Variants in WDFY3 observed in about 807,000 individuals in gnomAD.
WDFY3 encodes the protein WD repeat and FYVE domain containing 3.
A neutral mutation model predicts 409.6 loss-of-function variants in WDFY3; 66 were observed. That is an observed-to-expected ratio of 0.16 (90% CI 0.13 to 0.20). The LOEUF (loss-of-function observed/expected upper bound fraction) is 0.20, where lower values mean the gene tolerates loss of function less well. Among genes scored for constraint, WDFY3 ranks in the 10% least tolerant of loss-of-function variants. The probability of loss-of-function intolerance (pLI) is 1.00; values close to 1 mark genes in which losing one functional copy is unlikely to be tolerated. For missense variants in WDFY3, 3,031 were observed against 4,298.1 expected, an observed-to-expected ratio of 0.71 and a Z score of 8.24; for synonymous variants, 1,521 against 1,537.1, an observed-to-expected ratio of 0.99 and a Z score of 0.25.
intron 48 of WDFY3, among the ~76,000 whole-genome samples, chr4:84,717,644 C>T (rs1734156317): frequency 6.6e-6 from 1 of 152,124 alleles, no homozygotes. Flanking sequence ...CTACTCACTA[C>T]CACTTTCATC....
At chr4:84,950,927 T>C (rs2151115031) in intron 1 of WDFY3, among the ~76,000 whole-genome samples, 1 of 152,342 alleles carries the variant, frequency 6.6e-6, no homozygotes, top group South Asian at 2.1e-4. Flanking sequence ...CTGCAGAATG[T>C]CAATTACTAG....
At chr4:84,696,284 A>C in intron 57 of WDFY3, 102 bp from the exon 58 acceptor site, 1 of 1,081,270 alleles carries the variant, frequency 9.2e-7, no homozygotes. Context: ...AAATAACTAA[A>C]AATCATAAAA....
intron 1 of WDFY3, among the ~76,000 whole-genome samples, chr4:84,946,926 C>A (rs1232618342): frequency 1.3e-5 from 2 of 151,756 alleles, no homozygotes; most frequent in African/African-American, 4.8e-5. Context: ...CCCGCCTCAG[C>A]CTCCCTAGTA....
At chr4:84,779,995 G>A in intron 26 of WDFY3, 113 bp downstream of exon 26, 1 of 1,192,386 alleles carries the variant, frequency 8.4e-7, no homozygotes, top group Admixed American at 2.7e-5. Flanking sequence ...GTCTCTTTAA[G>A]TTTCCTTGGA....
chr4:84,749,346 A>G (rs1740084138), intron 36 of WDFY3, among the ~76,000 whole-genome samples: 1 of 152,198 alleles, frequency 6.6e-6, no homozygotes, highest in Non-Finnish European at 1.5e-5. Flanking sequence ...GCATATGTAT[A>G]TTAAAGATAC....
intron 58 of WDFY3, among the ~76,000 whole-genome samples, chr4:84,694,280 G>C (rs1266402243): frequency 6.6e-6 from 1 of 152,218 alleles, no homozygotes; most frequent in Non-Finnish European, 1.5e-5. Flanking sequence ...CCTAAGGAGA[G>C]AGCACTGCGC....
intron 3 of WDFY3, among the ~76,000 whole-genome samples, chr4:84,886,214 A>G (rs896744057): frequency 6.6e-6 from 1 of 152,160 alleles, no homozygotes; most frequent in Non-Finnish European, 1.5e-5. Flanking sequence ...TAGGTCTTTA[A>G]TAATTACTTT....
chr4:84,946,764 C>T (rs1326536208), intron 1 of WDFY3, among the ~76,000 whole-genome samples: 1 of 152,070 alleles, frequency 6.6e-6, no homozygotes, highest in Non-Finnish European at 1.5e-5. Flanking sequence ...GGCTCTAGTA[C>T]AGACAGACAC....
intron 55 of WDFY3, among the ~76,000 whole-genome samples, chr4:84,703,984 A>G (rs1341142922): frequency 1.3e-5 from 2 of 152,240 alleles, no homozygotes; most frequent in Non-Finnish European, 2.9e-5. Flanking sequence ...TTTGCTGAAT[A>G]AATGAATGAG....
In WDFY3 at chr4:84,709,038, GATAA is replaced by G. The variant is rs753018586; in HGVS notation, c.8098-14_8098-11del. 2 of 1,612,702 alleles carry G rather than the reference GATAA, an allele frequency of 1.2e-6. No homozygotes were observed. Among genetic ancestry groups the G allele is most frequent in the Non-Finnish European group, 1.7e-6 (2 of 1,179,492 alleles). On this transcript the variant is annotated splice_polypyrimidine_tract_variant and intron_variant, in intron 52 of 67. Coordinates refer to ENST00000295888, the MANE Select transcript of WDFY3 (RefSeq NM_014991.6). Reference sequence around the variant, plus strand: ...TGCTGATTTCACCTCTCTGGAAAAAGATAAATATTCATTTTTGAGCTATCGATTA... The same window carrying G: ...TGCTGATTTCACCTCTCTGGAAAAAGATATTCATTTTTGAGCTATCGATTA...
chr4:84,840,846 G>A (rs1757243705), intron 6 of WDFY3, among the ~76,000 whole-genome samples: 1 of 151,438 alleles, frequency 6.6e-6, no homozygotes, highest in Admixed American at 6.6e-5. Context: ...CTCTCAAAGT[G>A]CTGCAATTAC....
chr4:84,916,107 G>A (rs1768450024), intron 2 of WDFY3, among the ~76,000 whole-genome samples: 1 of 152,064 alleles, frequency 6.6e-6, no homozygotes, highest in South Asian at 2.1e-4. Context: ...TATCTTTTTT[G>A]TGGACAAGCT....
intron 27 of WDFY3, 134 bp downstream of exon 27, chr4:84,778,369 C>T (rs150421393): frequency 2.5e-6 from 2 of 811,432 alleles, no homozygotes; most frequent in African/African-American, 1.8e-5. Context: ...TTATATTTTA[C>T]TAAATGATAT....
At chr4:84,696,674 T>C in intron 57 of WDFY3, 58 bp downstream of exon 57, 1 of 1,553,292 alleles carries the variant, frequency 6.4e-7, no homozygotes, top group Non-Finnish European at 8.9e-7. Context: ...CCTGTCTTTG[T>C]ATTATGTTCA....
chr4:84,729,584 C>A (rs1419884614), intron 44 of WDFY3, among the ~76,000 whole-genome samples: 1 of 151,388 alleles, frequency 6.6e-6, no homozygotes, highest in Non-Finnish European at 1.5e-5. Flanking sequence ...CACAAACATC[C>A]AATTTAAAAT....
intron 3 of WDFY3, among the ~76,000 whole-genome samples, chr4:84,875,260 T>TCAAACACACACA (rs1762619808): frequency 1.1e-5 from 1 of 88,920 alleles, no homozygotes; most frequent in Non-Finnish European, 2.2e-5. Context: ...CGAGCAAGAC[T>TCAAACACACACA]CAAACACACA....
At chr4:84,959,569 A>C (rs1447293136) in intron 1 of WDFY3, among the ~76,000 whole-genome samples, 1 of 152,220 alleles carries the variant, frequency 6.6e-6, no homozygotes, top group Non-Finnish European at 1.5e-5. Flanking sequence ...CGTGAGGAAG[A>C]CTGAGGAGTG....
intron 40 of WDFY3, among the ~76,000 whole-genome samples, chr4:84,738,088 A>T (rs1251537599): frequency 6.6e-6 from 1 of 152,172 alleles, no homozygotes; most frequent in Non-Finnish European, 1.5e-5. Context: ...AACAGAGAAT[A>T]AATTCATGTT....
chr4:84,890,196 C>T (rs1764753615), intron 3 of WDFY3, among the ~76,000 whole-genome samples: 1 of 152,116 alleles, frequency 6.6e-6, no homozygotes, highest in Admixed American at 6.6e-5. Flanking sequence ...ATCTTCCAGA[C>T]TCAGGCAATC....
Sources: allele counts gnomAD v4.1 joint callset (sites outside exome capture counted in the v4.1 genomes callset), GRCh38; gene constraint gnomAD v4.1.1; transcripts MANE v1.5; gene names NCBI Gene and HGNC (gene_info 2026-07-23, HGNC 2026-07-21).